Variants in NRXN3 observed in about 807,000 individuals in gnomAD.
The protein encoded by NRXN3 is neurexin III.
Under a neutral mutation model 137.6 loss-of-function variants are expected in NRXN3, and 32 were observed. That is an observed-to-expected ratio of 0.23 (90% CI 0.18 to 0.31). The LOEUF is 0.31. Among genes scored for constraint, NRXN3 ranks in the 10% least tolerant of loss-of-function variants. The pLI is 1.00. For synonymous variants in NRXN3, 798 were observed against 784.5 expected, an observed-to-expected ratio of 1.02 and a Z score of -0.29; for missense variants, 1,574 against 2,062.5, an observed-to-expected ratio of 0.76 and a Z score of 4.59.
At chr14:79,323,597 C>T (rs113435061) in intron 15 of NRXN3, among the ~76,000 whole-genome samples, 7 of 152,142 alleles carry the variant, frequency 4.6e-5, no homozygotes, top group African/African-American at 1.4e-4. Context: ...TGGTGGCTCA[C>T]GCCTGTAATC....
At chr14:78,662,096 A>C (rs182658273) in intron 6 of NRXN3, among the ~76,000 whole-genome samples, 1 of 151,520 alleles carries the variant, frequency 6.6e-6, no homozygotes, top group East Asian at 2.0e-4. Context: ...GGCTCATCTC[A>C]AACTCCTTCA....
intron 4 of NRXN3, among the ~76,000 whole-genome samples, chr14:78,580,758 G>C (rs2096985797): frequency 6.6e-6 from 1 of 152,132 alleles, no homozygotes. Context: ...TTCATACTCT[G>C]GTAGCTTTGA....
chr14:78,566,775 G>T (rs544622350), intron 4 of NRXN3, among the ~76,000 whole-genome samples: 2 of 152,302 alleles, frequency 1.3e-5, no homozygotes, highest in South Asian at 4.1e-4. Context: ...GCTTTACTCG[G>T]TGTGGAAAGT....
chr14:78,919,125 T>A (rs1346967688), intron 10 of NRXN3, among the ~76,000 whole-genome samples: 1 of 152,220 alleles, frequency 6.6e-6, no homozygotes, highest in Non-Finnish European at 1.5e-5. Context: ...ATGAACTATT[T>A]GTTTTCCATC....
In NRXN3 at chr14:79,832,609, A is replaced by T. The variant is rs2099327226; in HGVS notation, c.4093+27419A>T. Among the ~76,000 whole-genome samples the T allele has an allele frequency of 3.3e-5, 5 of 152,284 alleles. No homozygotes were observed. The South Asian group carries it at 1.0e-3, about 32-fold the overall frequency. On this transcript the variant is annotated intron_variant, in intron 20 of 20. Transcript: ENST00000335750. ...GGTCAGGGGTGTTGCCAAATAGCCT[A>T]CAGTGCTCAGACAGCCCCCACCACA...
intron 14 of NRXN3, among the ~76,000 whole-genome samples, chr14:78,979,967 G>T (rs2099485238): frequency 6.6e-6 from 1 of 152,204 alleles, no homozygotes; most frequent in African/African-American, 2.4e-5. Flanking sequence ...TTCAAGATGA[G>T]ATTTGGGTGG....
chr14:79,736,210 A>C (rs530145731), intron 19 of NRXN3, among the ~76,000 whole-genome samples: 2 of 152,356 alleles, frequency 1.3e-5, no homozygotes, highest in East Asian at 3.9e-4. Flanking sequence ...ACCAAATAGA[A>C]TACAATAATC....
chr14:79,819,482 C>CTTTTTTTTTTTTTTTTTTTTT (rs58492725), intron 20 of NRXN3, among the ~76,000 whole-genome samples: 1 of 71,908 alleles, frequency 1.4e-5, no homozygotes, highest in African/African-American at 6.4e-5. Flanking sequence ...ACATTAAAAG[C>CTTTTTTTTTTTTTTTTTTTTT]TTTTTTTTTT....
At chr14:79,659,982 T>C (rs1179424410) in intron 16 of NRXN3, among the ~76,000 whole-genome samples, 3 of 152,182 alleles carry the variant, frequency 2.0e-5, no homozygotes, top group Admixed American at 6.6e-5. Flanking sequence ...TTCATCATAT[T>C]ATATCATCCT....
intron 11 of NRXN3, among the ~76,000 whole-genome samples, chr14:78,958,563 G>A: frequency 6.6e-6 from 1 of 152,094 alleles, no homozygotes; most frequent in Admixed American, 6.6e-5. Context: ...CACCGTGTTA[G>A]CCAGGATGGT....
intron 15 of NRXN3, among the ~76,000 whole-genome samples, chr14:79,231,153 C>T (rs565834637): frequency 2.6e-5 from 4 of 152,210 alleles, no homozygotes; most frequent in South Asian, 4.1e-4. Context: ...ATCATGCCAT[C>T]GGGCTGTCTT....
chr14:79,203,352 G>C (rs2066329955), intron 15 of NRXN3, among the ~76,000 whole-genome samples: 1 of 152,214 alleles, frequency 6.6e-6, no homozygotes, highest in Non-Finnish European at 1.5e-5. Flanking sequence ...AGACAAGCAA[G>C]ATAATATATA....
Position 78,449,043 on chromosome 14 carries a change from A to G in NRXN3, c.757+151183A>G, listed in dbSNP as rs564230819. 2.0e-5 allele frequency among the ~76,000 whole-genome samples: 3 copies of G among 152,312 alleles called. No homozygotes were observed. In the South Asian group the frequency reaches 6.2e-4, roughly 32 times the overall value. ...CACTCGGTGCCTTTTTGGATAAACCAGGTAAAGAAGAAAACAAATTACTTT... is the reference window on the plus strand; with the variant it reads ...CACTCGGTGCCTTTTTGGATAAACCGGGTAAAGAAGAAAACAAATTACTTT... On this transcript the variant is annotated intron_variant, in intron 4 of 20. Coordinates refer to ENST00000335750, the MANE Select transcript of NRXN3 (RefSeq NM_001330195.2).
At chr14:79,739,503 G>C (rs1398074617) in intron 19 of NRXN3, among the ~76,000 whole-genome samples, 1 of 151,756 alleles carries the variant, frequency 6.6e-6, no homozygotes, top group African/African-American at 2.4e-5. Flanking sequence ...AATTAGCCAG[G>C]CATGGTGGTG....
chr14:78,909,355 T>G (rs963022122), intron 10 of NRXN3, among the ~76,000 whole-genome samples: 1 of 152,138 alleles, frequency 6.6e-6, no homozygotes, highest in Non-Finnish European at 1.5e-5. Flanking sequence ...TTTGGGCTGC[T>G]CAAGGCATTT....
At chr14:78,325,131 G>A (rs2079895342) in intron 4 of NRXN3, among the ~76,000 whole-genome samples, 1 of 152,006 alleles carries the variant, frequency 6.6e-6, no homozygotes, top group African/African-American at 2.4e-5. Flanking sequence ...TAAAAAATTT[G>A]CAAATATATA....
At chr14:78,370,512 T>A (rs1431158971) in intron 4 of NRXN3, among the ~76,000 whole-genome samples, 1 of 152,210 alleles carries the variant, frequency 6.6e-6, no homozygotes, top group African/African-American at 2.4e-5. Context: ...GTATCATTAT[T>A]TGTTTTATTT....
At chr14:78,735,217 A>G (rs539636507) in intron 8 of NRXN3, among the ~76,000 whole-genome samples, 2 of 152,352 alleles carry the variant, frequency 1.3e-5, no homozygotes, top group South Asian at 2.1e-4. Flanking sequence ...ATTTTTATTC[A>G]AAACAATTCT....
At chr14:78,770,293 C>G (rs1432528149) in intron 8 of NRXN3, among the ~76,000 whole-genome samples, 2 of 152,178 alleles carry the variant, frequency 1.3e-5, no homozygotes, top group East Asian at 1.9e-4. Flanking sequence ...CACATTGGTG[C>G]TTTCCGTGGC....
Sources: allele counts gnomAD v4.1 joint callset (sites outside exome capture counted in the v4.1 genomes callset), GRCh38; gene constraint gnomAD v4.1.1; transcripts MANE v1.5; gene names NCBI Gene and HGNC (gene_info 2026-07-23, HGNC 2026-07-21).